TRIO: variants seen among roughly 807,000 people sequenced by gnomAD.
TRIO encodes triple functional domain protein.
Under a neutral mutation model 351.9 loss-of-function variants are expected in TRIO, and 58 were observed. The ratio of observed to expected loss-of-function variants is 0.16; its 90% CI spans 0.13 to 0.21. The LOEUF (loss-of-function observed/expected upper bound fraction) is 0.21. Ranked by LOEUF, TRIO falls within the 10% of genes least tolerant of loss-of-function variation. TRIO has a pLI of 1.00. For synonymous variants in TRIO, 1,758 were observed against 1,595.7 expected (o/e 1.10, Z -2.42); for missense variants, 3,201 against 4,027.8 (o/e 0.79, Z 5.56).
chr5:14,171,528 T>C (rs537450478), intron 1 of TRIO, among the ~76,000 whole-genome samples: 3 of 152,350 alleles, frequency 2.0e-5, no homozygotes, highest in African/African-American at 7.2e-5. Context: ...TAATGAAGGA[T>C]AAAGGTAGAG....
At chr5:14,299,722 C>T (rs17302994) in intron 7 of TRIO, among the ~76,000 whole-genome samples, 4,572 of 152,266 alleles carry the variant, frequency 0.03, 96 homozygotes, top group Middle Eastern at 0.071. Context: ...GCTTGGACAT[C>T]CTAAGTTAAG....
At chr5:14,195,400 G>A (rs1318635833) in intron 1 of TRIO, among the ~76,000 whole-genome samples, 1 of 152,204 alleles carries the variant, frequency 6.6e-6, no homozygotes, top group Non-Finnish European at 1.5e-5. Context: ...CAGGCAAGGT[G>A]TTGATATGCC....
intron 1 of TRIO, among the ~76,000 whole-genome samples, chr5:14,179,449 CTTT>C (rs1166814399): frequency 2.1e-5 from 3 of 142,934 alleles, no homozygotes; most frequent in Admixed American, 1.4e-4. Context: ...ATCAACAAAG[CTTT>C]TTTTTTTTTT....
chr5:14,243,870 A>T (rs1794277207), intron 1 of TRIO, among the ~76,000 whole-genome samples: 1 of 152,220 alleles, frequency 6.6e-6, no homozygotes, highest in Non-Finnish European at 1.5e-5. Context: ...AAAATAGCAA[A>T]GGCCTCATAG....
intron 2 of TRIO, among the ~76,000 whole-genome samples, chr5:14,278,968 T>C (rs1388417228): frequency 6.6e-6 from 1 of 152,236 alleles, no homozygotes; most frequent in African/African-American, 2.4e-5. Flanking sequence ...AGTTCCTTCA[T>C]CTTTATTTAA....
In TRIO at chr5:14,461,097, A is replaced by G. The variant is rs1260389697; in HGVS notation, c.5282A>G (p.Gln1761Arg). 1 of 1,567,686 alleles carries G rather than the reference A, an allele frequency of 6.4e-7. No homozygotes were observed. The highest frequency in any genetic ancestry group is 1.2e-5 in the South Asian group (1 of 85,136). Residue 1761 changes from glutamine to arginine, a missense_variant, in exon 35 of 57, where the codon CAG becomes CGG. Physicochemically the swap from Gln to Arg is conservative, Grantham distance 43 (BLOSUM62 1). This residue lies in a region of TRIO where 193 missense variants were observed against 218.8 expected (regional missense o/e 0.88). Coordinates refer to ENST00000344204, the MANE Select transcript of TRIO (RefSeq NM_007118.4). Reference sequence around the variant, plus strand: ...CTCCAGCCCCACATGATCGGGGCCCAGAGCTCGCCGGGCCCCAAGCGGCCG... The same window carrying G: ...CTCCAGCCCCACATGATCGGGGCCCGGAGCTCGCCGGGCCCCAAGCGGCCG... ...ASLQPHMIGA[Q>R]SSPGPKRPGN... is the part of the protein sequence containing the mutation.
At chr5:14,475,012 C>A (rs1236756881) in intron 40 of TRIO, among the ~76,000 whole-genome samples, 1 of 152,142 alleles carries the variant, frequency 6.6e-6, no homozygotes, top group Non-Finnish European at 1.5e-5. Context: ...CACGATTGCC[C>A]ATGAAATTCA....
intron 54 of TRIO, among the ~76,000 whole-genome samples, chr5:14,504,080 C>A (rs761630687): frequency 1.3e-5 from 2 of 152,246 alleles, no homozygotes; most frequent in Admixed American, 6.5e-5. Context: ...AGAAGGGAGT[C>A]GCCCGGCAAG....
Position 14,336,677 on chromosome 5 carries a change from C to A in TRIO, c.1996C>A (p.Arg666=), listed in dbSNP as rs1741445944. 6.2e-7 allele frequency: 1 copy of A among 1,614,064 alleles called. No individual in the cohort carries two copies. The highest frequency in any genetic ancestry group is 1.1e-5 in the South Asian group (1 of 91,096). ...IQDFVRRVEQ[R]KILLDMSVSF... ...AGATTTCGTTCGGCGTGTTGAGCAG[C>A]GAAAGATCCTACTGGACATGTCAGT... Residue 666 remains arginine, a synonymous_variant, in exon 11 of 57, where the codon CGA becomes AGA. Transcript: ENST00000344204.
chr5:14,340,031 C>T (rs1251977567), intron 11 of TRIO, among the ~76,000 whole-genome samples: 1 of 152,212 alleles, frequency 6.6e-6, no homozygotes, highest in South Asian at 2.1e-4. Context: ...CTAAAAGATA[C>T]ACATTGTCTG....
At chr5:14,220,108 G>C (rs1243184088) in intron 1 of TRIO, among the ~76,000 whole-genome samples, 3 of 146,732 alleles carry the variant, frequency 2.0e-5, no homozygotes, top group Admixed American at 1.4e-4. Context: ...TTGAGTAAGT[G>C]TATCCATGAC....
chr5:14,322,997 T>C (rs913028726), intron 9 of TRIO, among the ~76,000 whole-genome samples: 2 of 152,156 alleles, frequency 1.3e-5, no homozygotes, highest in African/African-American at 2.4e-5. Flanking sequence ...GAGGTGGGAC[T>C]GGAATCCAGC....
intron 5 of TRIO, 48 bp downstream of exon 5, chr5:14,291,276 C>T (rs751855291): frequency 2.3e-5 from 37 of 1,577,116 alleles, no homozygotes; most frequent in Middle Eastern, 3.6e-4. Flanking sequence ...GGGAAGCCAG[C>T]GCTGGTGGGT....
At chr5:14,205,823 C>T (rs1481019514) in intron 1 of TRIO, among the ~76,000 whole-genome samples, 1 of 152,142 alleles carries the variant, frequency 6.6e-6, no homozygotes, top group Non-Finnish European at 1.5e-5. Context: ...ACTTCTGCCT[C>T]CTATGTTTAA....
intron 7 of TRIO, among the ~76,000 whole-genome samples, chr5:14,299,986 A>G (rs1025149481): frequency 3.3e-5 from 5 of 152,218 alleles, no homozygotes; most frequent in African/African-American, 1.2e-4. Context: ...GATGAGAATG[A>G]TGTTTCATAG....
At chr5:14,265,210 G>C (rs1188853627) in intron 1 of TRIO, among the ~76,000 whole-genome samples, 1 of 151,998 alleles carries the variant, frequency 6.6e-6, no homozygotes, top group Non-Finnish European at 1.5e-5. Flanking sequence ...TGTCTTGTGG[G>C]CTTGGCTGCT....
chr5:14,479,474 G>T, intron 42 of TRIO, 124 bp downstream of exon 42: 1 of 776,394 alleles, frequency 1.3e-6, no homozygotes. Context: ...TGAGTGATAA[G>T]ACTTCTGAAC....
intron 2 of TRIO, among the ~76,000 whole-genome samples, chr5:14,279,357 GTTT>G (rs141871407): frequency 0.14 from 20,743 of 151,468 alleles, 1,910 homozygotes; most frequent in East Asian, 0.37. Context: ...AATCTTCTGG[GTTT>G]TTTTTTATTT....
At chr5:14,294,182 T>C (rs536158287) in intron 6 of TRIO, among the ~76,000 whole-genome samples, 2 of 152,248 alleles carry the variant, frequency 1.3e-5, no homozygotes, top group African/African-American at 4.8e-5. Context: ...CAAGACCTTG[T>C]CTCAAAAACA....
Sources: gnomAD v4.1 joint callset for allele counts (sites outside exome capture counted in the v4.1 genomes callset) on GRCh38, gnomAD v4.1.1 for gene constraint, gnomAD v4.1.1 regional missense constraint, MANE v1.5 for transcripts, NCBI Gene and HGNC (gene_info 2026-07-23, HGNC 2026-07-21) for gene names.